Variants in MMEL1 observed in about 807,000 individuals in gnomAD.
The protein encoded by MMEL1 is membrane metalloendopeptidase like 1.
MMEL1 carries 98 observed loss-of-function variants against 117.1 expected under a neutral mutation model. The ratio of observed to expected loss-of-function variants is 0.84; its 90% CI spans 0.71 to 0.99. The LOEUF (loss-of-function observed/expected upper bound fraction) is 0.99, where lower values mean the gene tolerates loss of function less well. Among genes scored for constraint, MMEL1 ranks in the 50% least tolerant of loss-of-function variants. The probability of loss-of-function intolerance (pLI) is 0.00; values close to 1 mark genes in which losing one functional copy is unlikely to be tolerated. For missense variants in MMEL1, 1,014 were observed against 1,049.1 expected (o/e 0.97, Z 0.46); for synonymous variants, 390 against 415.1 (o/e 0.94, Z 0.74).
chr1:2,599,721 G>A (rs1644901271), intron 11 of MMEL1, among the ~76,000 whole-genome samples: 1 of 152,134 alleles, frequency 6.6e-6, no homozygotes, highest in Admixed American at 6.5e-5. Flanking sequence ...AGCTGGGTGT[G>A]GTGGCGCATG....
At chr1:2,597,493 G>T (rs1351722590) in intron 13 of MMEL1, among the ~76,000 whole-genome samples, 1 of 152,082 alleles carries the variant, frequency 6.6e-6, no homozygotes, top group Non-Finnish European at 1.5e-5. Context: ...CTCAGCTGCT[G>T]CGGTCAACAC....
rs952377524 is a variant in MMEL1 at position 2,593,905 on chromosome 1, G to C, written c.1776C>G (p.Pro592=). ...IVFPAGILQP[P]FFSKEQPQAL... Reference sequence around the variant, plus strand: ...CCTGTGGCTGCTCCTTGCTGAAGAAGGGGGGCTGGAGGATCCCGGCAGGGA... The same window carrying C: ...CCTGTGGCTGCTCCTTGCTGAAGAACGGGGGCTGGAGGATCCCGGCAGGGA... Residue 592 remains proline (P), a synonymous_variant, in exon 19 of 24, where the codon CCC becomes CCG. Coordinates refer to ENST00000378412, the MANE Select transcript of MMEL1 (RefSeq NM_033467.4). 3 of 1,611,384 alleles carry C rather than the reference G, an allele frequency of 1.9e-6. No individual in the cohort carries two copies. Among genetic ancestry groups the C allele is most frequent in the Non-Finnish European group, 1.7e-6 (2 of 1,178,718 alleles).
chr1:2,629,449 C>T lies in MMEL1; in HGVS notation c.36G>A (p.Glu12=). ...GCTTCTGCCCTGCACGGCCGGCGCT[C>T]TCCACCATCCCCACTGGGCCTTCGG... ...GKSEGPVGMV[E]SAGRAGQKRP... The change falls in exon 2 of 24, where the codon GAG becomes GAA. Residue 12 remains glutamate, a synonymous_variant. Transcript: ENST00000378412. 1 of 1,539,490 alleles carries T rather than the reference C, an allele frequency of 6.5e-7. No individual in the cohort carries two copies. Among genetic ancestry groups the T allele is most frequent in the Non-Finnish European group, 8.7e-7 (1 of 1,143,054 alleles).
intron 11 of MMEL1, among the ~76,000 whole-genome samples, chr1:2,599,046 CAAAA>C (rs1185104545): frequency 3.3e-5 from 5 of 151,760 alleles, no homozygotes; most frequent in Non-Finnish European, 7.4e-5. Flanking sequence ...GCAAAAATGA[CAAAA>C]AAAGAAATAG....
At position 2,597,829 on chromosome 1, in the gene MMEL1, C is replaced by T. The variant is rs79612698; in HGVS notation, c.1272+378G>A. Among the ~76,000 whole-genome samples, 97 of 152,254 alleles carry T rather than the reference C, an allele frequency of 6.4e-4. 1 individual carries two copies. The East Asian group carries it at 0.017, about 27-fold the overall frequency. ...TCCCTGCCATCTTCTCCTTCCTGTC[C>T]GCTGCTGACCACGGGTCCGGCCCCT... is the stretch of plus-strand genomic sequence containing the variant. On this transcript the variant is annotated intron_variant, in intron 13 of 23. Transcript: ENST00000378412.
chr1:2,614,622 G>C (rs999172893), intron 2 of MMEL1, among the ~76,000 whole-genome samples: 18 of 152,112 alleles, frequency 1.2e-4, no homozygotes, highest in African/African-American at 3.9e-4. Context: ...TATCTAGATG[G>C]GTTCATGTAT....
chr1:2,604,120 GCTCC>G, intron 10 of MMEL1, 23 bp downstream of exon 10: 2 of 1,330,068 alleles, frequency 1.5e-6, no homozygotes, highest in Non-Finnish European at 2.1e-6. Flanking sequence ...CTCGCTGCCC[GCTCC>G]CCACCCGCCC....
At chr1:2,600,738 T>C (rs1644918880) in intron 11 of MMEL1, among the ~76,000 whole-genome samples, 1 of 152,112 alleles carries the variant, frequency 6.6e-6, no homozygotes, top group Non-Finnish European at 1.5e-5. Context: ...TTACAAATGA[T>C]ATGATTTTGT....
chr1:2,594,931 C>A, intron 16 of MMEL1, 38 bp from the exon 17 acceptor site: 1 of 1,571,178 alleles, frequency 6.4e-7, no homozygotes, highest in Non-Finnish European at 8.8e-7. Flanking sequence ...ATGCTGGGGC[C>A]GGGCCCTCAG....
intron 22 of MMEL1, 97 bp downstream of exon 22, chr1:2,591,835 C>T: frequency 7.7e-7 from 1 of 1,296,380 alleles, no homozygotes; most frequent in Non-Finnish European, 1.1e-6. Flanking sequence ...AGGGGCCTTC[C>T]ATGCTGGGCT....
chr1:2,604,794 G>A (rs963619599), intron 9 of MMEL1, among the ~76,000 whole-genome samples: 2 of 152,182 alleles, frequency 1.3e-5, no homozygotes, highest in Non-Finnish European at 2.9e-5. Context: ...GCAGGCCAAT[G>A]CTCTGGCCAG....
In MMEL1 at chr1:2,595,294, C is replaced by T. The variant is rs1644815658; in HGVS notation, c.1566G>A (p.Leu522=). 1.2e-6 allele frequency: 2 copies of T among 1,613,802 alleles called. No individual in the cohort carries two copies. The highest frequency in any genetic ancestry group is 2.2e-5 in the East Asian group (1 of 44,874). Reference sequence around the variant, plus strand: ...GGCGCACATTGGAGTACTCCTCGTCCAGGCGCCTGTTCATCTCCTCCAGGA... The same window carrying T: ...GGCGCACATTGGAGTACTCCTCGTCTAGGCGCCTGTTCATCTCCTCCAGGA... ...DYILEEMNRR[L]DEEYSNLNFS... is the part of the protein sequence containing the mutation. The change falls in exon 16 of 24, where the codon CTG becomes CTA. Residue 522 remains leucine (L), a synonymous_variant. Transcript: ENST00000378412. The surrounding 1 kb of genome is among the most constrained non-coding windows in gnomAD (Gnocchi z 4.8).
Position 2,627,257 on chromosome 1 carries a change from C to A in MMEL1, c.154+2074G>T, listed in dbSNP as rs139870187. Among the ~76,000 whole-genome samples the A allele has an allele frequency of 3.2e-3, 493 of 152,246 alleles. 5 individuals are homozygous for A. Among genetic ancestry groups the A allele is most frequent in the African/African-American group, 0.011 (475 of 41,526 alleles). On this transcript the variant is annotated intron_variant, in intron 2 of 23. Transcript: ENST00000378412. ...AATTTGCGTTCACATAGTAATATCG[C>A]CTTAAATAGGTAAATTAGGTAAGAT... is the stretch of plus-strand genomic sequence containing the variant.
At chr1:2,631,882 C>G (rs938552136) in intron 1 of MMEL1, among the ~76,000 whole-genome samples, 1 of 152,224 alleles carries the variant, frequency 6.6e-6, no homozygotes, top group African/African-American at 2.4e-5. Context: ...ATCACCTCCC[C>G]CTGAGGGGTC....
rs1285498744 is a variant in MMEL1, at chr1:2,612,832, G to C, written c.155-628C>G. ...ATGTATGGGAGAGGAGGGTGGGATG[G>C]AGAGAAGAGGGGACCCCAGGTCCAG... On this transcript the variant is annotated intron_variant, in intron 2 of 23. Coordinates refer to ENST00000378412, the MANE Select transcript of MMEL1 (RefSeq NM_033467.4). The surrounding 1 kb of genome is among the most constrained non-coding windows in gnomAD (Gnocchi z 5.4). Among the ~76,000 whole-genome samples the C allele has an allele frequency of 1.3e-5, 2 of 152,310 alleles. No homozygotes were observed. The highest frequency in any genetic ancestry group is 3.9e-4 in the East Asian group (2 of 5,166).
At chr1:2,609,511 G>A in intron 5 of MMEL1, 92 bp from the exon 6 acceptor site, 5 of 1,519,666 alleles carry the variant, frequency 3.3e-6, no homozygotes, top group Non-Finnish European at 4.5e-6. Flanking sequence ...CTCGGCGAGA[G>A]GCGGCCCCCC....
chr1:2,590,786 C>T lies in MMEL1; in HGVS notation c.*204G>A, dbSNP rs560074999. The T allele has an allele frequency of 2.7e-4, 109 of 410,950 alleles. No individual in the cohort carries two copies. The highest frequency in any genetic ancestry group is 3.8e-4 in the Non-Finnish European group (89 of 233,592). 25.5% of individuals were successfully genotyped at this position (410,950 alleles called of 1,614,324 possible). ...CCGCGGGTGTCTGTGGAGGGGGCTC[C>T]GGTCCAGGTACTGCACTGGACACTG... On this transcript the variant is annotated 3_prime_UTR_variant, in exon 24 of 24. Coordinates refer to ENST00000378412, the MANE Select transcript of MMEL1 (RefSeq NM_033467.4).
At chr1:2,602,695 C>T (rs1001462695) in intron 11 of MMEL1, among the ~76,000 whole-genome samples, 4 of 152,318 alleles carry the variant, frequency 2.6e-5, no homozygotes, top group African/African-American at 9.6e-5. Flanking sequence ...AGGTCGGACA[C>T]GGCATCCCCC....
In MMEL1 at chr1:2,607,165, C is replaced by T. The variant is rs77278349; in HGVS notation, c.536-96G>A. ...GGCGCCGTTGGCCGGCGTCACAGGTCCCCACAGCCCCTGCAGTGCTCCGCG... is the reference window on the plus strand; with the variant it reads ...GGCGCCGTTGGCCGGCGTCACAGGTTCCCACAGCCCCTGCAGTGCTCCGCG... On this transcript the variant is annotated intron_variant, in intron 6 of 23. Coordinates refer to ENST00000378412, the MANE Select transcript of MMEL1 (RefSeq NM_033467.4). The T allele has an allele frequency of 6.1e-4, 618 of 1,017,434 alleles. 1 individual carries two copies. The African/African-American group carries it at 8.8e-3, about 15-fold the overall frequency. 63.0% of individuals were successfully genotyped at this position (1,017,434 alleles called of 1,614,324 possible).
Sources: allele counts gnomAD v4.1 joint callset (sites outside exome capture counted in the v4.1 genomes callset), GRCh38; gene constraint gnomAD v4.1.1; non-coding constraint Gnocchi (gnomAD v3.1); transcripts MANE v1.5; gene names NCBI Gene and HGNC (gene_info 2026-07-23, HGNC 2026-07-21).